Variants in VAV2 observed in about 807,000 individuals in gnomAD.
VAV2 encodes vav guanine nucleotide exchange factor 2, also known as guanine nucleotide exchange factor VAV2.
VAV2 carries 67 observed loss-of-function variants against 132.5 expected under a neutral mutation model. The observed-to-expected ratio is 0.51, with a 90% CI of 0.42 to 0.62. The LOEUF is 0.62. Ranked by LOEUF, VAV2 falls within the 20% of genes least tolerant of loss-of-function variation. The pLI is 0.00. For missense variants in VAV2, 938 were observed against 1,153.6 expected, an observed-to-expected ratio of 0.81 and a Z score of 2.71; for synonymous variants, 492 against 443.5, an observed-to-expected ratio of 1.11 and a Z score of -1.37.
chr9:133,959,348 G>A (rs933856754), intron 1 of VAV2, among the ~76,000 whole-genome samples: 5 of 152,118 alleles, frequency 3.3e-5, no homozygotes, highest in East Asian at 1.9e-4. Flanking sequence ...CCTCCGCTCC[G>A]GGCTTCCCCA....
At chr9:133,897,641 AG>A (rs5901028) in intron 2 of VAV2, among the ~76,000 whole-genome samples, 1,524 of 152,214 alleles carry the variant, frequency 0.01, 38 homozygotes, top group African/African-American at 0.032. Context: ...GGTGGCCAAA[AG>A]GTGTGGCTCT....
At chr9:133,830,612 A>C (rs1201509230) in intron 4 of VAV2, among the ~76,000 whole-genome samples, 1 of 152,162 alleles carries the variant, frequency 6.6e-6, no homozygotes, top group East Asian at 1.9e-4. Flanking sequence ...GAGTCAACTA[A>C]ACCTCTTTCC....
At chr9:133,841,786 G>A (rs909291551) in intron 3 of VAV2, among the ~76,000 whole-genome samples, 8 of 152,180 alleles carry the variant, frequency 5.3e-5, no homozygotes, top group Non-Finnish European at 8.8e-5. Flanking sequence ...AATGGGGGCC[G>A]GTAGTAGCAA....
intron 19 of VAV2, among the ~76,000 whole-genome samples, chr9:133,782,574 T>C (rs188237120): frequency 3.9e-4 from 59 of 152,300 alleles, no homozygotes; most frequent in Non-Finnish European, 6.8e-4. Flanking sequence ...AAATCACAGC[T>C]CAAAATGTAT....
At chr9:133,872,850 C>G (rs956421216) in intron 2 of VAV2, among the ~76,000 whole-genome samples, 4 of 152,060 alleles carry the variant, frequency 2.6e-5, no homozygotes, top group African/African-American at 7.2e-5. Context: ...GGGTGGCTCA[C>G]GCCTGTAATC....
intron 3 of VAV2, among the ~76,000 whole-genome samples, chr9:133,845,226 G>A (rs1031498631): frequency 1.3e-5 from 2 of 152,378 alleles, no homozygotes; most frequent in East Asian, 1.9e-4. Flanking sequence ...AAGCGTGGAC[G>A]CGCTGGGCCA....
At position 133,787,956 on chromosome 9, in the gene VAV2, G is replaced by C. The variant is rs968362778; in HGVS notation, c.1407+398C>G. Among the ~76,000 whole-genome samples, 12 of 152,244 alleles carry C rather than the reference G, an allele frequency of 7.9e-5. No individual in the cohort carries two copies. In the South Asian group the frequency reaches 1.7e-3, roughly 21 times the overall value. On this transcript the variant is annotated intron_variant, in intron 15 of 29. Coordinates refer to ENST00000371850, the MANE Select transcript of VAV2 (RefSeq NM_001134398.2). ...CTCCAAGCACCGCAGGGTGGGACGG[G>C]AGAGGAAAGCCTGCTTGCTACAAGG...
chr9:133,803,503 T>C (rs1471831398), intron 9 of VAV2, among the ~76,000 whole-genome samples: 1 of 152,142 alleles, frequency 6.6e-6, no homozygotes, highest in East Asian at 1.9e-4. Context: ...CTTTGTCTTA[T>C]GTCCACAGCT....
chr9:133,986,754 C>T (rs1272875701), intron 1 of VAV2, among the ~76,000 whole-genome samples: 3 of 152,150 alleles, frequency 2.0e-5, no homozygotes, highest in Non-Finnish European at 4.4e-5. Context: ...ACCAGCATTC[C>T]CTCCTCTGCT....
chr9:133,982,474 C>A (rs1302095361), intron 1 of VAV2, among the ~76,000 whole-genome samples: 1 of 148,824 alleles, frequency 6.7e-6, no homozygotes, highest in African/African-American at 2.5e-5. Context: ...GGGCAGGAGG[C>A]CCCAAGAGGG....
intron 2 of VAV2, among the ~76,000 whole-genome samples, chr9:133,893,865 C>T (rs1300725773): frequency 6.6e-6 from 1 of 152,176 alleles, no homozygotes; most frequent in Non-Finnish European, 1.5e-5. Flanking sequence ...GAGAGTCGGG[C>T]GCCCACGTGT....
rs560338857 is a variant in VAV2, at chr9:133,834,958, T to C, written c.381-618A>G. ...TCCTACAAAGGGAGCAGAAGCCCCA[T>C]GGGGTCTCCCCAGAAGGAACGCGGC... is the stretch of plus-strand genomic sequence containing the variant. On this transcript the variant is annotated intron_variant, in intron 3 of 29. Coordinates refer to ENST00000371850, the MANE Select transcript of VAV2 (RefSeq NM_001134398.2). This position sits in a 1 kb window ranked among gnomAD's most constrained non-coding sequence, Gnocchi z 5.9. Among the ~76,000 whole-genome samples, 21 of 152,240 alleles carry C rather than the reference T, an allele frequency of 1.4e-4. No individual in the cohort carries two copies. The highest frequency in any genetic ancestry group is 6.2e-4 in the South Asian group (3 of 4,830).
At chr9:133,979,727 G>A (rs1007366216) in intron 1 of VAV2, among the ~76,000 whole-genome samples, 50 of 152,204 alleles carry the variant, frequency 3.3e-4, no homozygotes, top group African/African-American at 1.2e-3. Context: ...GACTTTGCCA[G>A]GGCCCCGAGC....
intron 2 of VAV2, among the ~76,000 whole-genome samples, chr9:133,897,649 C>CT (rs1370291976): frequency 1.8e-4 from 27 of 152,164 alleles, no homozygotes; most frequent in Non-Finnish European, 3.7e-4. Context: ...AAAGGTGTGG[C>CT]TCTAAGCCCT....
chr9:133,905,157 G>A (rs539641045), intron 2 of VAV2, among the ~76,000 whole-genome samples: 9 of 152,296 alleles, frequency 5.9e-5, no homozygotes, highest in South Asian at 2.1e-4. Flanking sequence ...AGCCGGGCGC[G>A]GTGGCTCACG....
At chr9:133,811,187 G>A (rs989266890) in intron 5 of VAV2, among the ~76,000 whole-genome samples, 4 of 152,318 alleles carry the variant, frequency 2.6e-5, no homozygotes, top group East Asian at 1.9e-4. Flanking sequence ...GAGACCCTTC[G>A]AGGACAAGCA....
At chr9:133,776,437 G>A (rs563965414) in intron 23 of VAV2, among the ~76,000 whole-genome samples, 134 of 152,310 alleles carry the variant, frequency 8.8e-4, no homozygotes, top group Middle Eastern at 3.4e-3. Flanking sequence ...GAAACCCCGG[G>A]GTGGGGGTCT....
At chr9:133,965,591 T>C (rs1161326149) in intron 1 of VAV2, among the ~76,000 whole-genome samples, 1 of 150,220 alleles carries the variant, frequency 6.7e-6, no homozygotes, top group Non-Finnish European at 1.5e-5. Flanking sequence ...AGGTGAAAGA[T>C]CCCTACAAGA....
At chr9:133,809,175 G>A in intron 6 of VAV2, 37 bp from the exon 7 acceptor site, 1 of 1,589,364 alleles carries the variant, frequency 6.3e-7, no homozygotes, top group Non-Finnish European at 8.6e-7. Context: ...GGACCCCATG[G>A]GCCCGGCCAC....
Sources: gnomAD v4.1 joint callset for allele counts (sites outside exome capture counted in the v4.1 genomes callset) on GRCh38, gnomAD v4.1.1 for gene constraint, Gnocchi (gnomAD v3.1) non-coding constraint, MANE v1.5 for transcripts, NCBI Gene and HGNC (gene_info 2026-07-23, HGNC 2026-07-21) for gene names.